LRCH2: variants seen among roughly 807,000 people sequenced by gnomAD.
LRCH2 encodes leucine rich repeats and calponin homology domain containing 2.
Under a neutral mutation model 68.9 loss-of-function variants are expected in LRCH2, and 38 were observed. The observed-to-expected ratio is 0.55, with a 90% CI of 0.43 to 0.72. LRCH2 has a LOEUF of 0.72. LRCH2 is among the 30% of genes least tolerant of loss of function. The pLI, the probability that LRCH2 is intolerant of heterozygous loss-of-function variation, is 0.00. For synonymous variants in LRCH2, 191 were observed against 208.1 expected (o/e 0.92, Z 0.71); for missense variants, 528 against 572.9 (o/e 0.92, Z 0.80).
At chrX:115,209,528 C>A (rs1012421911) in intron 1 of LRCH2, among the ~76,000 whole-genome samples, 7 of 112,370 alleles carry the variant, frequency 6.2e-5, no homozygotes, top group Admixed American at 9.4e-5. Context: ...GTCCAATAAA[C>A]CTCTTTCTTT....
chrX:115,189,347 T>C, intron 1 of LRCH2: 1 of 965,111 alleles, frequency 1.0e-6, no homozygotes, highest in East Asian at 3.4e-5. Context: ...CCCCAACCGG[T>C]AGGAGCCGCC....
intron 15 of LRCH2, among the ~76,000 whole-genome samples, chrX:115,128,954 T>C (rs2072220859): frequency 8.9e-6 from 1 of 112,209 alleles, no homozygotes; most frequent in African/African-American, 3.2e-5. Context: ...CTGGTAATTT[T>C]AGTGTACAGC....
chrX:115,158,223 TGG>T (rs1246434608), intron 11 of LRCH2, among the ~76,000 whole-genome samples: 1 of 111,892 alleles, frequency 8.9e-6, no homozygotes, highest in Non-Finnish European at 1.9e-5. Context: ...TCTGGTCCTC[TGG>T]AAGAGTTTAT....
chrX:115,219,695 C>T (rs959702360), intron 1 of LRCH2, among the ~76,000 whole-genome samples: 1 of 111,800 alleles, frequency 8.9e-6, no homozygotes, highest in Non-Finnish European at 1.9e-5. Flanking sequence ...ATTTTATAGT[C>T]ACAACTGTGC....
At chrX:115,144,791 G>T (rs890920557) in intron 14 of LRCH2, among the ~76,000 whole-genome samples, 1 of 111,960 alleles carries the variant, frequency 8.9e-6, no homozygotes, top group African/African-American at 3.2e-5. Context: ...GGAAGAAATT[G>T]AAGAGGACAC....
chrX:115,219,003 T>C (rs2073060935), intron 1 of LRCH2, among the ~76,000 whole-genome samples: 1 of 112,065 alleles, frequency 8.9e-6, no homozygotes, highest in Admixed American at 9.5e-5. Flanking sequence ...TAGATCTGTG[T>C]ATACAATATA....
Position 115,191,627 on chromosome X carries a change from G to A in LRCH2, c.350-3257C>T, listed in dbSNP as rs782802788. 103 of 1,087,209 alleles carry A rather than the reference G, an allele frequency of 9.5e-5. 1 individual carries two copies. Among genetic ancestry groups the A allele is most frequent in the South Asian group, 3.6e-4 (17 of 46,898 alleles). The allele number at this position is 1,087,209 out of a possible 1,213,427, so 89.6% of individuals were successfully genotyped here. A position where few individuals can be genotyped will look rare whatever the true frequency, so the allele number is the denominator to read the frequency against. ...GGAGGCCGCTCGCCTGACACCTACA[G>A]CCGGGGCCACGACAGTTCCAGCCAG... On this transcript the variant is annotated intron_variant, in intron 1 of 20. Coordinates refer to ENST00000317135, the MANE Select transcript of LRCH2 (RefSeq NM_020871.4).
intron 14 of LRCH2, among the ~76,000 whole-genome samples, chrX:115,130,600 G>A (rs1345615085): frequency 9.1e-6 from 1 of 110,179 alleles, no homozygotes; most frequent in African/African-American, 3.3e-5. Flanking sequence ...CCTTTTCCAG[G>A]CCCTCATTAT....
intron 1 of LRCH2, among the ~76,000 whole-genome samples, chrX:115,201,785 ACT>A (rs782467813): frequency 3.6e-5 from 4 of 111,632 alleles, no homozygotes; most frequent in Admixed American, 9.6e-5. Context: ...CCACCAAAAA[ACT>A]CTTAGATTTG....
intron 1 of LRCH2, among the ~76,000 whole-genome samples, chrX:115,233,316 T>C (rs1406644004): frequency 8.9e-6 from 1 of 112,012 alleles, no homozygotes; most frequent in Non-Finnish European, 1.9e-5. Flanking sequence ...GAGATTATGA[T>C]TTTTGTGTTT....
intron 14 of LRCH2, among the ~76,000 whole-genome samples, chrX:115,134,052 A>G (rs782473669): frequency 8.9e-6 from 1 of 112,264 alleles, no homozygotes; most frequent in South Asian, 3.7e-4. Flanking sequence ...CAAAAATAAG[A>G]AAGTGAAACA....
intron 11 of LRCH2, among the ~76,000 whole-genome samples, chrX:115,159,608 G>A (rs6644195): frequency 0.073 from 8,003 of 109,041 alleles, 291 homozygotes; most frequent in Non-Finnish European, 0.1. Flanking sequence ...ACAATTAGTC[G>A]GGCGTGGTGG....
At chrX:115,127,455 T>C (rs1371404947) in intron 15 of LRCH2, among the ~76,000 whole-genome samples, 1 of 112,079 alleles carries the variant, frequency 8.9e-6, no homozygotes, top group East Asian at 2.8e-4. Context: ...AACAAATGAT[T>C]ATTGGCTACC....
At chrX:115,130,578 C>G (rs1215715001) in intron 14 of LRCH2, among the ~76,000 whole-genome samples, 1 of 110,889 alleles carries the variant, frequency 9.0e-6, no homozygotes, top group Non-Finnish European at 1.9e-5. Flanking sequence ...TTGGAATTCT[C>G]ACAACTACCA....
chrX:115,159,568 G>A (rs1230457162), intron 11 of LRCH2, among the ~76,000 whole-genome samples: 2 of 109,547 alleles, frequency 1.8e-5, no homozygotes, highest in Non-Finnish European at 3.8e-5. Flanking sequence ...TGGCTAACAT[G>A]GTGAAACCCC....
intron 14 of LRCH2, among the ~76,000 whole-genome samples, chrX:115,130,864 C>T (rs190919750): frequency 9.1e-4 from 101 of 110,877 alleles, no homozygotes; most frequent in Admixed American, 1.9e-3. Flanking sequence ...TGAAAAAATG[C>T]TTCTTAGAGT....
chrX:115,123,567 T>A (rs2072161784), intron 17 of LRCH2, among the ~76,000 whole-genome samples: 1 of 112,289 alleles, frequency 8.9e-6, no homozygotes. Context: ...CCTTGACAAG[T>A]AACATGGATC....
intron 1 of LRCH2, among the ~76,000 whole-genome samples, chrX:115,195,964 A>C (rs2072884248): frequency 1.8e-5 from 2 of 112,177 alleles, no homozygotes; most frequent in South Asian, 7.4e-4. Context: ...AGCTCTTAGC[A>C]AACTATGAGT....
intron 1 of LRCH2, chrX:115,189,280 T>C (rs1219730439): frequency 1.8e-5 from 9 of 501,747 alleles, no homozygotes; most frequent in Non-Finnish European, 3.0e-5. Context: ...TCATAGACGT[T>C]GGTGTTCCCA....
Sources: allele counts gnomAD v4.1 joint callset (sites outside exome capture counted in the v4.1 genomes callset), GRCh38; gene constraint gnomAD v4.1.1; transcripts MANE v1.5; gene names NCBI Gene and HGNC (gene_info 2026-07-23, HGNC 2026-07-21).